LINGO2: variants seen among roughly 807,000 people sequenced by gnomAD.
LINGO2 encodes the protein leucine-rich repeat and immunoglobulin-like domain-containing nogo receptor-interacting protein 2.
LINGO2 carries 14 observed loss-of-function variants against 30.6 expected under a neutral mutation model. The observed-to-expected ratio is 0.46, with a 90% confidence interval of 0.30 to 0.72. The LOEUF is 0.72. Among genes scored for constraint, LINGO2 ranks in the 30% least tolerant of loss-of-function variants. The pLI, the probability that LINGO2 is intolerant of heterozygous loss-of-function variation, is 0.07. For synonymous variants in LINGO2, 317 were observed against 288.5 expected (o/e 1.10, Z -1.00); for missense variants, 729 against 751.7 (o/e 0.97, Z 0.35).
chr9:28,474,494 T>C, intron 2 of LINGO2, among the ~76,000 whole-genome samples: 1 of 152,216 alleles, frequency 6.6e-6, no homozygotes, highest in Admixed American at 6.5e-5. Flanking sequence ...CAATGTAGAA[T>C]AAGTCATTTC....
chr9:28,920,269 C>T, the LINGO2 span, among the ~76,000 whole-genome samples: 1 of 151,778 alleles, frequency 6.6e-6, no homozygotes, highest in Non-Finnish European at 1.5e-5. Flanking sequence ...TTTCATAATA[C>T]AGTTGCATCT....
the LINGO2 span, among the ~76,000 whole-genome samples, chr9:28,958,788 G>A: frequency 6.6e-6 from 1 of 152,064 alleles, no homozygotes; most frequent in African/African-American, 2.4e-5. Context: ...ATGAGGAGGA[G>A]TGAGAGACTG....
At chr9:28,058,586 G>C (rs866888378) in intron 4 of LINGO2, among the ~76,000 whole-genome samples, 7 of 152,230 alleles carry the variant, frequency 4.6e-5, no homozygotes, top group Middle Eastern at 3.4e-3. Flanking sequence ...CCAGTTTGAA[G>C]ATAAAGCAAA....
At chr9:28,110,323 C>T (rs2133356707) in intron 4 of LINGO2, among the ~76,000 whole-genome samples, 2 of 152,296 alleles carry the variant, frequency 1.3e-5, no homozygotes, top group Middle Eastern at 6.8e-3. Context: ...CCATTCAGAA[C>T]ATAGGCATGG....
At chr9:28,967,077 A>T in the LINGO2 span, among the ~76,000 whole-genome samples, 2 of 152,140 alleles carry the variant, frequency 1.3e-5, no homozygotes, top group African/African-American at 4.8e-5. Flanking sequence ...TACAGTCTGC[A>T]AGCTGTGGGA....
chr9:28,428,897 T>C (rs1444016506), intron 2 of LINGO2, among the ~76,000 whole-genome samples: 2 of 152,204 alleles, frequency 1.3e-5, no homozygotes, highest in African/African-American at 4.8e-5. Flanking sequence ...AAACTTTTAG[T>C]GCATCCTAGT....
chr9:28,012,653 AG>A (rs1822619247), intron 4 of LINGO2, among the ~76,000 whole-genome samples: 1 of 152,006 alleles, frequency 6.6e-6, no homozygotes, highest in African/African-American at 2.4e-5. Context: ...CGCCTGGCCA[AG>A]ACACTTTACT....
chr9:28,021,933 T>C (rs1048710934), intron 4 of LINGO2, among the ~76,000 whole-genome samples: 2 of 152,056 alleles, frequency 1.3e-5, no homozygotes, highest in African/African-American at 4.8e-5. Flanking sequence ...CACTTTAAAA[T>C]GTTCCATAAT....
At chr9:28,884,243 C>A in the LINGO2 span, among the ~76,000 whole-genome samples, 489 of 152,136 alleles carry the variant, frequency 3.2e-3, 2 homozygotes, top group African/African-American at 0.011. Flanking sequence ...TCAGTCTGCT[C>A]TTTTTTCCAA....
At chr9:28,275,473 C>A (rs1056225509) in intron 4 of LINGO2, among the ~76,000 whole-genome samples, 4 of 152,148 alleles carry the variant, frequency 2.6e-5, no homozygotes, top group African/African-American at 9.7e-5. Flanking sequence ...TCAAAGACTT[C>A]TTTTGCTGGC....
chr9:28,078,073 C>T (rs903419365), intron 4 of LINGO2, among the ~76,000 whole-genome samples: 2 of 149,284 alleles, frequency 1.3e-5, no homozygotes, highest in Non-Finnish European at 2.9e-5. Context: ...AATAATGGCT[C>T]TTGCCTTAAA....
intron 4 of LINGO2, among the ~76,000 whole-genome samples, chr9:28,203,401 G>T (rs966916099): frequency 6.6e-6 from 1 of 152,182 alleles, no homozygotes; most frequent in South Asian, 2.1e-4. Context: ...AATAGCTGCA[G>T]TGCCTCCTCT....
intron 2 of LINGO2, among the ~76,000 whole-genome samples, chr9:28,433,927 C>T (rs1370667200): frequency 1.1e-3 from 17 of 15,110 alleles, no homozygotes; most frequent in Non-Finnish European, 4.9e-3. Context: ...CTCTCTTTCT[C>T]TCTCTCTCTC....
chr9:28,940,355 A>C, the LINGO2 span, among the ~76,000 whole-genome samples: 1 of 152,178 alleles, frequency 6.6e-6, no homozygotes, highest in Non-Finnish European at 1.5e-5. Context: ...CAGATTATAA[A>C]GCTAATCAGG....
the LINGO2 span, among the ~76,000 whole-genome samples, chr9:28,850,343 C>T: frequency 6.6e-6 from 1 of 151,790 alleles, no homozygotes; most frequent in South Asian, 2.1e-4. Flanking sequence ...ATAGCTGAGT[C>T]GAGAGTGAGA....
intron 1 of LINGO2, among the ~76,000 whole-genome samples, chr9:28,479,875 G>GTGTGTGTGTGTA (rs1554725778): frequency 0.011 from 1,292 of 118,454 alleles, 23 homozygotes; most frequent in African/African-American, 0.038. Flanking sequence ...GTGTGTGTGT[G>GTGTGTGTGTGTA]TGTGTGTGTA....
At chr9:28,423,028 G>A (rs983102899) in intron 2 of LINGO2, among the ~76,000 whole-genome samples, 2 of 152,140 alleles carry the variant, frequency 1.3e-5, no homozygotes, top group Non-Finnish European at 1.5e-5. Flanking sequence ...GGAGGAAGGA[G>A]GGATGGAAAG....
chr9:28,922,694 C>G, the LINGO2 span, among the ~76,000 whole-genome samples: 1 of 152,016 alleles, frequency 6.6e-6, no homozygotes, highest in African/African-American at 2.4e-5. Flanking sequence ...CCTATAAAAC[C>G]CTTTAAACAC....
intron 4 of LINGO2, among the ~76,000 whole-genome samples, chr9:28,079,603 T>G (rs544698676): frequency 2.6e-5 from 4 of 152,306 alleles, no homozygotes; most frequent in African/African-American, 9.6e-5. Flanking sequence ...ATACTTCTTG[T>G]TTATAAAAAG....
Sources: allele counts gnomAD v4.1 joint callset (sites outside exome capture counted in the v4.1 genomes callset), GRCh38; gene constraint gnomAD v4.1.1; transcripts MANE v1.5; gene names NCBI Gene and HGNC (gene_info 2026-07-23, HGNC 2026-07-21).